Variants in RADIL observed in about 807,000 individuals in gnomAD.
RADIL encodes the protein Rap associating with DIL domain.
Under a neutral mutation model 97.6 loss-of-function variants are expected in RADIL, and 99 were observed. The ratio of observed to expected loss-of-function variants is 1.01; its 90% CI spans 0.86 to 1.20. The LOEUF (loss-of-function observed/expected upper bound fraction) is 1.20. Ranked by LOEUF, RADIL falls within the 50% of genes most tolerant of loss-of-function variation. RADIL has a pLI of 0.00. For missense variants in RADIL, 1,765 were observed against 1,498.9 expected, an observed-to-expected ratio of 1.18 and a Z score of -2.93; for synonymous variants, 803 against 691.8, an observed-to-expected ratio of 1.16 and a Z score of -2.52.
In RADIL at chr7:4,824,496, G is replaced by T. The variant is rs149040763; in HGVS notation, c.1455-1942C>A. Among the ~76,000 whole-genome samples, 53 of 152,288 alleles carry T rather than the reference G, an allele frequency of 3.5e-4. No homozygotes were observed. The East Asian group carries it at 0.01, about 29-fold the overall frequency. On this transcript the variant is annotated intron_variant, in intron 5 of 14. Transcript: ENST00000399583. This position sits in a 1 kb window ranked among gnomAD's most constrained non-coding sequence, Gnocchi z 6.7. Reference sequence around the variant, plus strand: ...CTGTTCTTTCCCCAGCTGGGCAGCCGAGCAGGGCTGGGGGAGGAACCCCAG... The same window carrying T: ...CTGTTCTTTCCCCAGCTGGGCAGCCTAGCAGGGCTGGGGGAGGAACCCCAG...
rs746564439 is a variant in RADIL at position 4,817,330 on chromosome 7, G to A, written c.1637C>T (p.Ser546Phe). The part of the protein sequence containing the change: ...DITGSKESLF[S>F]CTLTASEEAM... ...CTCCTCGCTGGCCGTCAGCGTGCAG[G>A]AGAACAGCGATTCCTTCGAGCCTGC... The change falls in exon 7 of 15, where the codon TCC becomes TTC. Residue 546 changes from serine to phenylalanine, a missense_variant. Physicochemically the swap from Ser to Phe is radical, Grantham distance 155. Transcript: ENST00000399583. The surrounding 1 kb of genome is among the most constrained non-coding windows in gnomAD (Gnocchi z 8.3). 10 of 1,612,066 alleles carry A rather than the reference G, an allele frequency of 6.2e-6. No individual in the cohort carries two copies. The highest frequency in any genetic ancestry group is 7.6e-6 in the Non-Finnish European group (9 of 1,179,632).
chr7:4,838,621 C>T (rs758329995), intron 2 of RADIL, among the ~76,000 whole-genome samples: 23 of 152,318 alleles, frequency 1.5e-4, no homozygotes, highest in South Asian at 4.1e-4. Context: ...AATGCTGACA[C>T]GCAGGGGCCA....
At chr7:4,882,226 A>T (rs1211264825) in intron 1 of RADIL, 2 of 152,368 alleles carry the variant, frequency 1.3e-5, no homozygotes, top group Admixed American at 1.3e-4. Context: ...CAGAAGGCGG[A>T]GCCTGGCCTG....
At chr7:4,839,022 C>A (rs1783377057) in intron 2 of RADIL, among the ~76,000 whole-genome samples, 1 of 152,256 alleles carries the variant, frequency 6.6e-6, no homozygotes, top group South Asian at 2.1e-4. Flanking sequence ...CAATCACCCC[C>A]CACAGGGAGC....
Position 4,835,362 on chromosome 7 carries a change from G to A in RADIL, c.784-123C>T. 2 of 1,271,972 alleles carry A rather than the reference G, an allele frequency of 1.6e-6. No homozygotes were observed. The highest frequency in any genetic ancestry group is 2.2e-6 in the Non-Finnish European group (2 of 926,638). 78.8% of individuals were successfully genotyped at this position (1,271,972 alleles called of 1,614,324 possible). On this transcript the variant is annotated intron_variant, in intron 3 of 14. Transcript: ENST00000399583. This position sits in a 1 kb window ranked among gnomAD's most constrained non-coding sequence, Gnocchi z 5.8. ...GATGCTGTCGCCACGGGCTCTCCAT[G>A]TCCCTGGCCACCCCCACACCAGAAC...
rs1784526803 is a variant in RADIL at position 4,883,470 on chromosome 7, G to A, written c.-65+126C>T. 1 of 152,002 alleles carries A rather than the reference G, an allele frequency of 6.6e-6. No individual in the cohort carries two copies. The highest frequency in any genetic ancestry group is 1.5e-5 in the Non-Finnish European group (1 of 68,048). 9.4% of individuals were successfully genotyped at this position (152,002 alleles called of 1,614,324 possible). ...AAACCTGCCCTCCGCGCCCCGACCA[G>A]CGGCCGGGAGTGTCCCCGAGCGCGC... On this transcript the variant is annotated intron_variant, in intron 1 of 14. Coordinates refer to ENST00000399583, the MANE Select transcript of RADIL (RefSeq NM_018059.5). The surrounding 1 kb of genome is among the most constrained non-coding windows in gnomAD (Gnocchi z 7.1).
chr7:4,850,198 C>A (rs943059214), intron 2 of RADIL, among the ~76,000 whole-genome samples: 21 of 131,488 alleles, frequency 1.6e-4, no homozygotes, highest in Non-Finnish European at 2.3e-4. Context: ...TTTACCCACA[C>A]TACACAGACG....
chr7:4,871,935 C>G (rs752979863), intron 2 of RADIL, among the ~76,000 whole-genome samples: 3 of 152,156 alleles, frequency 2.0e-5, no homozygotes, highest in Non-Finnish European at 2.9e-5. Flanking sequence ...CTCTAGGGTG[C>G]CTCTTTACAA....
chr7:4,876,349 G>A (rs1167544381), intron 2 of RADIL, among the ~76,000 whole-genome samples: 3 of 151,978 alleles, frequency 2.0e-5, no homozygotes, highest in African/African-American at 7.3e-5. Context: ...TGCCCAGGCT[G>A]GAGAGCAATG....
chr7:4,868,759 A>C (rs1784187611), intron 2 of RADIL, among the ~76,000 whole-genome samples: 1 of 152,246 alleles, frequency 6.6e-6, no homozygotes, highest in Non-Finnish European at 1.5e-5. Context: ...TGGTCAAAGA[A>C]AAATTTTGAA....
At chr7:4,859,740 G>T in intron 2 of RADIL, 1 of 614,030 alleles carries the variant, frequency 1.6e-6, no homozygotes, top group South Asian at 2.0e-5. Context: ...ATACCGGAAA[G>T]ATCTATACTG....
chr7:4,822,476 A>AG lies in RADIL; in HGVS notation c.1532dup (p.Asn512Ter), dbSNP rs1782860582. 6.2e-7 allele frequency: 1 copy of AG among 1,612,958 alleles called. No individual in the cohort carries two copies. The highest frequency in any genetic ancestry group is 1.1e-5 in the South Asian group (1 of 91,092). ...TAAAGTACAGGAGCTCGATGGAGTTAGACATCCAGAAAAGAATGGGCTGCA... is the reference window on the plus strand; with the variant it reads ...TAAAGTACAGGAGCTCGATGGAGTTAGGACATCCAGAAAAGAATGGGCTGCA... On this transcript the variant is annotated frameshift_variant, in exon 6 of 15. Coordinates refer to ENST00000399583, the MANE Select transcript of RADIL (RefSeq NM_018059.5). LOFTEE classifies it high-confidence loss of function. This position sits in a 1 kb window ranked among gnomAD's most constrained non-coding sequence, Gnocchi z 5.3.
At chr7:4,839,023 C>T (rs76290047) in intron 2 of RADIL, among the ~76,000 whole-genome samples, 3 of 152,252 alleles carry the variant, frequency 2.0e-5, no homozygotes, top group African/African-American at 7.2e-5. Flanking sequence ...AATCACCCCC[C>T]ACAGGGAGCC....
intron 11 of RADIL, among the ~76,000 whole-genome samples, chr7:4,802,966 C>T (rs1281794674): frequency 4.5e-5 from 4 of 88,116 alleles, no homozygotes; most frequent in Admixed American, 9.4e-5. Context: ...GGCTGGGGGG[C>T]CCCCTCCCCG....
rs1354078721 is a variant in RADIL at position 4,815,989 on chromosome 7, C to T, written c.1966+239G>A. Among the ~76,000 whole-genome samples, 1 of 152,188 alleles carries T rather than the reference C, an allele frequency of 6.6e-6. No homozygotes were observed. Among genetic ancestry groups the T allele is most frequent in the East Asian group, 1.9e-4 (1 of 5,182 alleles). On this transcript the variant is annotated intron_variant, in intron 8 of 14. Transcript: ENST00000399583. The surrounding 1 kb of genome is among the most constrained non-coding windows in gnomAD (Gnocchi z 8.0). ...CCTGTCACGGGGAAGGGGTCCCATG[C>T]AGACCTCTCGGCCGTGGCTTCTCTG...
intron 11 of RADIL, among the ~76,000 whole-genome samples, chr7:4,802,704 G>A (rs1343015477): frequency 6.7e-5 from 7 of 104,584 alleles, no homozygotes; most frequent in African/African-American, 2.0e-4. Flanking sequence ...CGCTGGCTGG[G>A]TCCCCTCCCC....
At chr7:4,804,518 G>A (rs1427962521) in intron 10 of RADIL, among the ~76,000 whole-genome samples, 5 of 152,352 alleles carry the variant, frequency 3.3e-5, no homozygotes, top group East Asian at 1.9e-4. Flanking sequence ...CGGGGGTGGC[G>A]GCTCACGCCT....
intron 5 of RADIL, 147 bp downstream of exon 5, chr7:4,831,994 A>T (rs1783155567): frequency 4.9e-6 from 4 of 818,678 alleles, no homozygotes; most frequent in Non-Finnish European, 7.6e-6. Flanking sequence ...CTAAAGAAGC[A>T]AAAAAGGCCG....
At chr7:4,860,657 T>C in intron 2 of RADIL, 2 of 1,614,224 alleles carry the variant, frequency 1.2e-6, no homozygotes, top group Non-Finnish European at 1.7e-6. Flanking sequence ...ATGTTGTTTT[T>C]CTGTTGATGC....
Sources: gnomAD v4.1 joint callset for allele counts (sites outside exome capture counted in the v4.1 genomes callset) on GRCh38, gnomAD v4.1.1 for gene constraint, Gnocchi (gnomAD v3.1) non-coding constraint, MANE v1.5 for transcripts, NCBI Gene and HGNC (gene_info 2026-07-23, HGNC 2026-07-21) for gene names.